The following FBN1 variants were observed in gnomAD, a reference collection of about 807,000 sequenced individuals.
The protein encoded by FBN1 is fibrillin 1.
Under a neutral mutation model 365.1 loss-of-function variants are expected in FBN1, and 29 were observed. The ratio of observed to expected loss-of-function variants is 0.08; its 90% CI spans 0.06 to 0.11. The LOEUF (loss-of-function observed/expected upper bound fraction) is 0.11, where lower values mean the gene tolerates loss of function less well. Ranked by LOEUF, FBN1 falls within the 10% of genes least tolerant of loss-of-function variation. The pLI is 1.00. For synonymous variants in FBN1, 1,210 were observed against 1,270.5 expected (o/e 0.95, Z 1.01); for missense variants, 2,476 against 3,703.2 (o/e 0.67, Z 8.60).
chr15:48,441,478 T>C (rs1006759769), intron 50 of FBN1, among the ~76,000 whole-genome samples: 4 of 152,272 alleles, frequency 2.6e-5, no homozygotes, highest in Admixed American at 6.5e-5. Context: ...ATTTGTGTTC[T>C]TAGTGGGAGA....
At chr15:48,414,535 CA>C (rs1291516315) in intron 64 of FBN1, among the ~76,000 whole-genome samples, 2 of 152,086 alleles carry the variant, frequency 1.3e-5, no homozygotes, top group Non-Finnish European at 2.9e-5. Flanking sequence ...CAGATTAATT[CA>C]GCAGGAAAAA....
chr15:48,583,897 T>C (rs1217061469), intron 6 of FBN1, among the ~76,000 whole-genome samples: 1 of 152,234 alleles, frequency 6.6e-6, no homozygotes, highest in African/African-American at 2.4e-5. Flanking sequence ...TTTCTTGATG[T>C]TGACCTTTCT....
intron 35 of FBN1, 51 bp from the exon 36 acceptor site, chr15:48,470,807 A>C: frequency 6.3e-7 from 1 of 1,584,316 alleles, no homozygotes; most frequent in Non-Finnish European, 8.6e-7. Context: ...TTTTTCTAAA[A>C]AAAACCTGCC....
In FBN1 at chr15:48,462,830, G is replaced by C. The variant is rs182089979; in HGVS notation, c.5224+252C>G. Among the ~76,000 whole-genome samples, 200 of 152,254 alleles carry C rather than the reference G, an allele frequency of 1.3e-3. 2 individuals are homozygous for C. The highest frequency in any genetic ancestry group is 3.2e-4 in the Non-Finnish European group (22 of 68,008). On this transcript the variant is annotated intron_variant, in intron 42 of 65. Coordinates refer to ENST00000316623, the MANE Select transcript of FBN1 (RefSeq NM_000138.5). ...AGTAACAATGAGAACATTGTTTATA[G>C]TTTATATTTTTGTGATATGCTGAGT...
At chr15:48,572,514 T>C (rs978125010) in intron 6 of FBN1, among the ~76,000 whole-genome samples, 2 of 151,276 alleles carry the variant, frequency 1.3e-5, no homozygotes, top group African/African-American at 4.8e-5. Flanking sequence ...AACAATTTAA[T>C]TAGTTTGTTA....
At chr15:48,462,001 A>G (rs2043283102) in intron 42 of FBN1, among the ~76,000 whole-genome samples, 1 of 152,220 alleles carries the variant, frequency 6.6e-6, no homozygotes, top group Admixed American at 6.5e-5. Flanking sequence ...CTGGTCTAGA[A>G]ACATTTTGCA....
intron 44 of FBN1, among the ~76,000 whole-genome samples, chr15:48,453,028 G>A (rs575994240): frequency 8.5e-5 from 13 of 152,212 alleles, no homozygotes; most frequent in South Asian, 2.1e-4. Context: ...AAGCTAAGGC[G>A]GGCGGATCAC....
At chr15:48,468,655 T>C in intron 36 of FBN1, 121 bp from the exon 37 acceptor site, 1 of 948,830 alleles carries the variant, frequency 1.1e-6, no homozygotes, top group East Asian at 2.6e-5. Flanking sequence ...TAGTTATAAC[T>C]ACATCTAGAA....
At chr15:48,587,614 T>C (rs1426945412) in intron 6 of FBN1, among the ~76,000 whole-genome samples, 1 of 152,198 alleles carries the variant, frequency 6.6e-6, no homozygotes, top group Non-Finnish European at 1.5e-5. Context: ...TCCCTTTACC[T>C]GTAGTACTTT....
intron 60 of FBN1, among the ~76,000 whole-genome samples, chr15:48,424,423 G>A (rs1349497070): frequency 6.6e-6 from 1 of 152,298 alleles, no homozygotes; most frequent in Non-Finnish European, 1.5e-5. Context: ...CCGTGGGGAT[G>A]TGCTGGTCCC....
chr15:48,456,741 A>T lies in FBN1; in HGVS notation c.5318T>A (p.Ile1773Asn). The T allele has an allele frequency of 6.2e-7, 1 of 1,613,722 alleles. No individual in the cohort carries two copies. Among genetic ancestry groups the T allele is most frequent in the Non-Finnish European group, 8.5e-7 (1 of 1,179,794 alleles). ...LPVDIDECREIPGVCENGVCI... is the reference protein window; with the variant it reads ...LPVDIDECRENPGVCENGVCI... The stretch of plus-strand genomic sequence containing the variant: ...CACTCCATTTTCACAGACCCCTGGG[A>T]TCTCCCGGCACTCATCAATATCTAG... The change falls in exon 44 of 66, where the codon ATC (isoleucine) becomes AAC (asparagine). Residue 1773 changes from isoleucine (I) to asparagine (N), a missense_variant. Transcript: ENST00000316623.
chr15:48,580,312 T>G (rs2044382104), intron 6 of FBN1, among the ~76,000 whole-genome samples: 1 of 152,210 alleles, frequency 6.6e-6, no homozygotes, highest in African/African-American at 2.4e-5. Flanking sequence ...TTCCTAGCAC[T>G]ATGAAACACG....
chr15:48,531,017 G>C (rs547581008), intron 8 of FBN1, among the ~76,000 whole-genome samples: 2 of 152,174 alleles, frequency 1.3e-5, no homozygotes, highest in East Asian at 3.9e-4. Context: ...ATATGGACTT[G>C]GTTTCCAAAG....
intron 10 of FBN1, among the ~76,000 whole-genome samples, chr15:48,519,395 T>C (rs747796226): frequency 2.6e-5 from 4 of 152,186 alleles, no homozygotes; most frequent in Non-Finnish European, 5.9e-5. Flanking sequence ...CTAAATACTA[T>C]GGAAGTGTAA....
intron 13 of FBN1, among the ~76,000 whole-genome samples, chr15:48,511,859 A>C (rs990430343): frequency 1.3e-5 from 2 of 152,210 alleles, no homozygotes; most frequent in African/African-American, 4.8e-5. Context: ...GCCCCAGCTG[A>C]GTGCTCTCAA....
chr15:48,424,847 C>T (rs2042966287), intron 60 of FBN1, among the ~76,000 whole-genome samples: 6 of 152,168 alleles, frequency 3.9e-5, no homozygotes, highest in Admixed American at 3.9e-4. Context: ...TTTTCTGGTT[C>T]TTAATTCTGT....
chr15:48,544,346 A>G (rs2044079793), intron 6 of FBN1, among the ~76,000 whole-genome samples: 3 of 152,210 alleles, frequency 2.0e-5, no homozygotes, highest in Non-Finnish European at 4.4e-5. Flanking sequence ...ACCAAACTGT[A>G]TTATGCAAAA....
intron 23 of FBN1, 50 bp from the exon 24 acceptor site, chr15:48,492,636 C>T (rs762427519): frequency 4.6e-6 from 6 of 1,292,770 alleles, no homozygotes; most frequent in African/African-American, 4.4e-5. Context: ...TAATATCATT[C>T]TACCTTATTC....
chr15:48,545,320 A>G (rs1205110962), intron 6 of FBN1, among the ~76,000 whole-genome samples: 2 of 152,228 alleles, frequency 1.3e-5, no homozygotes, highest in African/African-American at 2.4e-5. Flanking sequence ...AAGATGAATT[A>G]AGTTCATGAA....
Sources: allele counts gnomAD v4.1 joint callset (sites outside exome capture counted in the v4.1 genomes callset), GRCh38; gene constraint gnomAD v4.1.1; transcripts MANE v1.5; gene names NCBI Gene and HGNC (gene_info 2026-07-23, HGNC 2026-07-21).